KLHL36: variants seen among roughly 807,000 people sequenced by gnomAD.
KLHL36 encodes kelch-like protein 36.
Under a neutral mutation model 53.3 loss-of-function variants are expected in KLHL36, and 35 were observed. The observed-to-expected ratio is 0.66, with a 90% CI of 0.50 to 0.87. The LOEUF (loss-of-function observed/expected upper bound fraction) is 0.87. Ranked by LOEUF, KLHL36 falls within the 40% of genes least tolerant of loss-of-function variation. The pLI is 0.00. For missense variants in KLHL36, 864 were observed against 897.6 expected (o/e 0.96, Z 0.48); for synonymous variants, 472 against 398.9 (o/e 1.18, Z -2.18).
intron 1 of KLHL36, chr16:84,649,185 G>T (rs1479455896): frequency 1.3e-5 from 2 of 152,296 alleles, no homozygotes; most frequent in African/African-American, 4.8e-5. Context: ...GTGCTTGGGG[G>T]TGGCCTTGAC....
intron 3 of KLHL36, chr16:84,658,712 G>A (rs1312544904): frequency 2.0e-5 from 3 of 152,300 alleles, no homozygotes; most frequent in Non-Finnish European, 4.4e-5. Context: ...TCTGCTGGGA[G>A]CGCTCTCCAG....
chr16:84,655,894 A>G (rs566693946), intron 2 of KLHL36, among the ~76,000 whole-genome samples: 3 of 151,114 alleles, frequency 2.0e-5, no homozygotes, highest in Non-Finnish European at 4.4e-5. Context: ...TGTTGAATTC[A>G]TTTATTTATT....
rs762349026 is a variant in KLHL36, at chr16:84,657,036, A to G, written c.229A>G (p.Ile77Val). 1.2e-6 allele frequency: 2 copies of G among 1,614,034 alleles called. No individual in the cohort carries two copies. Among genetic ancestry groups the G allele is most frequent in the East Asian group, 2.2e-5 (1 of 44,888 alleles). ...CSDYFNSMFT[I>V]GMREAFQKEV... ...CGACTACTTCAACTCCATGTTCACC[A>G]TCGGCATGCGGGAAGCTTTCCAGAA... Residue 77 changes from isoleucine (I) to valine (V), a missense_variant, in exon 3 of 5, where the codon ATC becomes GTC. Transcript: ENST00000564996.
rs1907246251 is a variant in KLHL36, at chr16:84,657,031, T to C, written c.224T>C (p.Phe75Ser). 6.2e-7 allele frequency: 1 copy of C among 1,614,036 alleles called. No individual in the cohort carries two copies. ...AVCSDYFNSM[F>S]TIGMREAFQK... The stretch of plus-strand genomic sequence containing the variant: ...TGCAGCGACTACTTCAACTCCATGT[T>C]CACCATCGGCATGCGGGAAGCTTTC... Residue 75 changes from phenylalanine to serine, a missense_variant, in exon 3 of 5, where the codon TTC (phenylalanine) becomes TCC (serine). Transcript: ENST00000564996.
chr16:84,656,986 A>G lies in KLHL36; in HGVS notation c.179A>G (p.His60Arg), dbSNP rs1907242227. ...LVADEQRVPA[H>R]RNLLAVCSDY... is the part of the protein sequence containing the mutation. ...GCCGATGAGCAGCGTGTGCCAGCCC[A>G]TCGCAACCTGCTGGCCGTGTGCAGC... The change falls in exon 3 of 5, where the codon CAT becomes CGT. Residue 60 changes from histidine (H) to arginine (R), a missense_variant. Coordinates refer to ENST00000564996, the MANE Select transcript of KLHL36 (RefSeq NM_024731.4). 2 of 1,613,958 alleles carry G rather than the reference A, an allele frequency of 1.2e-6. No individual in the cohort carries two copies. Among genetic ancestry groups the G allele is most frequent in the African/African-American group, 1.3e-5 (1 of 74,936 alleles).
At chr16:84,649,585 C>G (rs559168661) in intron 1 of KLHL36, among the ~76,000 whole-genome samples, 1 of 152,166 alleles carries the variant, frequency 6.6e-6, no homozygotes, top group South Asian at 2.1e-4. Flanking sequence ...CTCCAGCATC[C>G]TAGGGGAGGG....
At chr16:84,650,783 G>A in intron 1 of KLHL36, 69 bp from the exon 2 acceptor site, 2 of 1,128,924 alleles carry the variant, frequency 1.8e-6, no homozygotes, top group Non-Finnish European at 2.7e-6. Context: ...GTATCTGCTA[G>A]CAGGGCCTGA....
intron 1 of KLHL36, among the ~76,000 whole-genome samples, chr16:84,649,961 C>T (rs538608183): frequency 1.3e-5 from 2 of 151,186 alleles, no homozygotes; most frequent in Non-Finnish European, 2.9e-5. Flanking sequence ...CCTGCCCCTC[C>T]CCCTGCCTCC....
chr16:84,652,143 G>C (rs549430962), intron 2 of KLHL36, among the ~76,000 whole-genome samples: 33 of 152,326 alleles, frequency 2.2e-4, no homozygotes, highest in African/African-American at 7.5e-4. Context: ...CTTAGCTTGG[G>C]AGACACTGCT....
At position 84,650,919 on chromosome 16, in the gene KLHL36, G is replaced by C. The variant is rs79842977; in HGVS notation, c.52G>C (p.Glu18Gln). Residue 18 changes from glutamate (E) to glutamine (Q), a missense_variant, in exon 2 of 5, where the codon GAA becomes CAA. Physicochemically the swap from Glu to Gln is conservative, Grantham distance 29. Transcript: ENST00000564996. Reference protein sequence around the residue: ...TRVSRPYKISESSKVYRWADH... With the variant: ...TRVSRPYKISQSSKVYRWADH... ...AGTGTCTCGGCCATACAAGATCAGC[G>C]AATCATCAAAGGTCTGTGAATGTTC... 1.2e-6 allele frequency: 2 copies of C among 1,610,702 alleles called. No homozygotes were observed. The highest frequency in any genetic ancestry group is 1.1e-5 in the South Asian group (1 of 90,504).
rs927611175 is a variant in KLHL36, at chr16:84,663,013, C to G, written c.*880C>G. ...TTACTGATGTACTGAGCTCCCAAAT[C>G]TGTTTATTTCTCAGGAAAGAAAAAG... On this transcript the variant is annotated 3_prime_UTR_variant, in exon 5 of 5. Transcript: ENST00000564996. 1.3e-4 allele frequency: 19 copies of G among 149,690 alleles called. No individual in the cohort carries two copies. The highest frequency in any genetic ancestry group is 4.7e-4 in the African/African-American group (19 of 40,466). The allele number at this position is 149,690 out of a possible 1,614,324, so 9.3% of individuals were successfully genotyped here.
rs141962228 is a variant in KLHL36, at chr16:84,666,549, T to G, written c.*4416T>G. The stretch of plus-strand genomic sequence containing the variant: ...CCTGAGGGCTGGTCCACGTCTCACC[T>G]TTGCCATACGGGTCATTTCTTGATC... On this transcript the variant is annotated 3_prime_UTR_variant, in exon 5 of 5. Coordinates refer to ENST00000564996, the MANE Select transcript of KLHL36 (RefSeq NM_024731.4). The G allele has an allele frequency of 6.6e-6, 1 of 152,332 alleles. No homozygotes were observed. Among genetic ancestry groups the G allele is most frequent in the African/African-American group, 2.4e-5 (1 of 41,570 alleles). The allele number at this position is 152,332 out of a possible 1,614,324, so 9.4% of individuals were successfully genotyped here. A position where few individuals can be genotyped will look rare whatever the true frequency, so the allele number is the denominator to read the frequency against.
At chr16:84,656,096 G>A (rs1907182789) in intron 2 of KLHL36, among the ~76,000 whole-genome samples, 2 of 151,886 alleles carry the variant, frequency 1.3e-5, no homozygotes, top group African/African-American at 2.4e-5. Context: ...ATCTCGCTAT[G>A]TTGCCCAGGT....
At chr16:84,655,415 C>G (rs1354482290) in intron 2 of KLHL36, among the ~76,000 whole-genome samples, 1 of 152,128 alleles carries the variant, frequency 6.6e-6, no homozygotes, top group East Asian at 1.9e-4. Context: ...GTTGTCCCTG[C>G]AAATTATAAA....
At chr16:84,655,246 G>A (rs931600744) in intron 2 of KLHL36, among the ~76,000 whole-genome samples, 3 of 152,328 alleles carry the variant, frequency 2.0e-5, no homozygotes, top group Admixed American at 1.3e-4. Context: ...TTGACTGGAT[G>A]TGGAAATACC....
In KLHL36 at chr16:84,662,050, G is replaced by A; in HGVS notation, c.1768G>A (p.Ala590Thr). The part of the protein sequence containing the change: ...DLPKAIAGGS[A>T]CVCALEPRPE... ...GCCCAAGGCCATCGCTGGCGGGTCC[G>A]CCTGTGTCTGCGCCCTGGAGCCACG... Residue 590 changes from alanine to threonine, a missense_variant, in exon 5 of 5, where the codon GCC (alanine) becomes ACC (threonine). Transcript: ENST00000564996. 3.2e-6 allele frequency: 5 copies of A among 1,582,110 alleles called. No homozygotes were observed. Among genetic ancestry groups the A allele is most frequent in the Non-Finnish European group, 3.4e-6 (4 of 1,165,106 alleles).
intron 2 of KLHL36, among the ~76,000 whole-genome samples, chr16:84,652,234 C>T (rs1429534030): frequency 6.6e-6 from 1 of 152,014 alleles, no homozygotes; most frequent in Non-Finnish European, 1.5e-5. Context: ...AACTGAATCT[C>T]TTAGGACTAG....
At chr16:84,651,787 G>T (rs186409186) in intron 2 of KLHL36, among the ~76,000 whole-genome samples, 2 of 152,252 alleles carry the variant, frequency 1.3e-5, no homozygotes, top group Admixed American at 6.5e-5. Context: ...CAGTACATGA[G>T]CAGACATACA....
At chr16:84,651,028 A>G in intron 2 of KLHL36, 98 bp downstream of exon 2, 3 of 1,015,786 alleles carry the variant, frequency 3.0e-6, no homozygotes, top group Admixed American at 2.4e-5. Context: ...TTTTTTTGTC[A>G]TTGGTGTTGT....
Sources: allele counts gnomAD v4.1 joint callset (sites outside exome capture counted in the v4.1 genomes callset), GRCh38; gene constraint gnomAD v4.1.1; transcripts MANE v1.5; gene names NCBI Gene and HGNC (gene_info 2026-07-23, HGNC 2026-07-21).